COBL: variants seen among roughly 807,000 people sequenced by gnomAD.
COBL encodes the protein cordon-bleu WH2 repeat protein.
Under a neutral mutation model 98.8 loss-of-function variants are expected in COBL, and 51 were observed. That is an observed-to-expected ratio of 0.52 (90% confidence interval 0.41 to 0.65). The LOEUF (loss-of-function observed/expected upper bound fraction) is 0.65. COBL is among the 30% of genes least tolerant of loss of function. The pLI, the probability that COBL is intolerant of heterozygous loss-of-function variation, is 0.00. For missense variants in COBL, 1,617 were observed against 1,617.5 expected, an observed-to-expected ratio of 1.00 and a Z score of 0.01; for synonymous variants, 634 against 651.7, an observed-to-expected ratio of 0.97 and a Z score of 0.41.
chr7:51,075,584 TG>T (rs1403434520), intron 7 of COBL, among the ~76,000 whole-genome samples: 3 of 152,240 alleles, frequency 2.0e-5, no homozygotes, highest in Non-Finnish European at 4.4e-5. Flanking sequence ...TTTTTAATAG[TG>T]GATCTGTTCA....
At position 51,177,543 on chromosome 7, in the gene COBL, G is replaced by C. The variant is rs186422296; in HGVS notation, c.783+6559C>G. Reference sequence around the variant, plus strand: ...AATCCCAGCACTCTGGGGGGCTGAGGCGGGCAGATCACCTGAGGTCAGGAG... The same window carrying C: ...AATCCCAGCACTCTGGGGGGCTGAGCCGGGCAGATCACCTGAGGTCAGGAG... On this transcript the variant is annotated intron_variant, in intron 5 of 12. Transcript: ENST00000265136. Among the ~76,000 whole-genome samples, 470 of 152,260 alleles carry C rather than the reference G, an allele frequency of 3.1e-3. 2 individuals are homozygous for C. Among genetic ancestry groups the C allele is most frequent in the African/African-American group, 0.011 (439 of 41,548 alleles).
intron 5 of COBL, among the ~76,000 whole-genome samples, chr7:51,143,161 G>A (rs928104476): frequency 6.6e-6 from 1 of 152,168 alleles, no homozygotes; most frequent in African/African-American, 2.4e-5. Context: ...CAGCAGAGAA[G>A]AGCATCAGGG....
chr7:51,193,641 T>G, intron 2 of COBL, 52 bp from the exon 3 acceptor site: 1 of 1,522,942 alleles, frequency 6.6e-7, no homozygotes, highest in Non-Finnish European at 9.1e-7. Flanking sequence ...CACTCTCTCT[T>G]TTGCCTGGCT....
chr7:51,082,560 C>T (rs1042735412), intron 7 of COBL, among the ~76,000 whole-genome samples: 4 of 152,214 alleles, frequency 2.6e-5, no homozygotes, highest in Non-Finnish European at 5.9e-5. Context: ...TTCCCCTTCT[C>T]GTACACCTCA....
rs1788512851 is a variant in COBL at position 51,035,150 on chromosome 7, C to T, written c.1407-4241G>A. ...GGTGTGTGCAGGGCTTGCTGAGCCT[C>T]TGCATTCATACCCCAGCCTCCAGCA... On this transcript the variant is annotated intron_variant, in intron 8 of 12. Transcript: ENST00000265136. 2.0e-5 allele frequency: 3 copies of T among 152,290 alleles called. No individual in the cohort carries two copies. The South Asian group carries it at 6.2e-4, about 32-fold the overall frequency. The allele number at this position is 152,290 out of a possible 1,614,324, so 9.4% of individuals were successfully genotyped here.
intron 6 of COBL, among the ~76,000 whole-genome samples, chr7:51,130,268 T>C (rs1270358055): frequency 6.6e-6 from 1 of 152,098 alleles, no homozygotes. Flanking sequence ...AACAAAGCAC[T>C]CCAGGAGGCC....
chr7:51,263,128 C>T (rs1266643049), intron 1 of COBL, among the ~76,000 whole-genome samples: 1 of 152,140 alleles, frequency 6.6e-6, no homozygotes, highest in Non-Finnish European at 1.5e-5. Flanking sequence ...GGGGAGTTCC[C>T]CCCAGCTCAC....
intron 7 of COBL, among the ~76,000 whole-genome samples, chr7:51,044,872 GTATA>G (rs1313876676): frequency 6.6e-6 from 1 of 152,174 alleles, no homozygotes; most frequent in Non-Finnish European, 1.5e-5. Context: ...TCAGGTGATG[GTATA>G]TTTGAGATTC....
intron 2 of COBL, among the ~76,000 whole-genome samples, chr7:51,205,054 G>T (rs1791541108): frequency 6.6e-6 from 1 of 152,184 alleles, no homozygotes; most frequent in Non-Finnish European, 1.5e-5. Flanking sequence ...TCATGGATTA[G>T]AAGAATTAAT....
chr7:51,071,350 G>A (rs1167561149), intron 7 of COBL: 2 of 152,168 alleles, frequency 1.3e-5, no homozygotes, highest in Admixed American at 1.3e-4. Context: ...ACAGTGCCAA[G>A]TCACATGTAA....
intron 1 of COBL, chr7:51,259,980 T>C (rs751404407): frequency 4.8e-5 from 36 of 753,418 alleles, no homozygotes; most frequent in Non-Finnish European, 7.9e-5. Flanking sequence ...TCTTGTCACG[T>C]TTCTGCCACC....
intron 1 of COBL, chr7:51,259,939 T>A (rs1269769473): frequency 5.3e-6 from 4 of 758,176 alleles, no homozygotes; most frequent in Non-Finnish European, 9.6e-6. Context: ...TTCCAAGGCA[T>A]GAGGTTTCAC....
At chr7:51,075,630 A>G (rs958412656) in intron 7 of COBL, among the ~76,000 whole-genome samples, 1 of 152,208 alleles carries the variant, frequency 6.6e-6, no homozygotes, top group African/African-American at 2.4e-5. Flanking sequence ...AATTTTAACG[A>G]TCTGCTTTTA....
rs151084709 is a variant in COBL at position 51,080,441 on chromosome 7, G to A, written c.1096+4725C>T. Among the ~76,000 whole-genome samples, 11 of 152,344 alleles carry A rather than the reference G, an allele frequency of 7.2e-5. No homozygotes were observed. The East Asian group carries it at 2.1e-3, about 29-fold the overall frequency. ...GAGTTCCTGCAGTGGCAGAAGAGAA[G>A]TGCAGGGTGATGGATGAAGCAAAGA... On this transcript the variant is annotated intron_variant, in intron 7 of 12. Transcript: ENST00000265136.
At chr7:51,312,614 G>A (rs780818627) in intron 1 of COBL, among the ~76,000 whole-genome samples, 1 of 152,112 alleles carries the variant, frequency 6.6e-6, no homozygotes, top group Non-Finnish European at 1.5e-5. Flanking sequence ...AATAATTACA[G>A]GAGCACTTGC....
intron 8 of COBL, chr7:51,033,369 C>A (rs1369107561): frequency 6.6e-6 from 1 of 152,168 alleles, no homozygotes; most frequent in Non-Finnish European, 1.5e-5. Flanking sequence ...TGTAAGAATT[C>A]TAGAAATGTC....
At chr7:51,072,465 T>A (rs1330482771) in intron 7 of COBL, 1 of 152,240 alleles carries the variant, frequency 6.6e-6, no homozygotes, top group African/African-American at 2.4e-5. Context: ...GGCATCTTTA[T>A]CACATGTACA....
intron 8 of COBL, 38 bp downstream of exon 8, chr7:51,043,345 T>A (rs756129209): frequency 1.3e-6 from 2 of 1,587,206 alleles, no homozygotes; most frequent in Non-Finnish European, 1.7e-6. Context: ...CAGATGTGGC[T>A]GTGACTTCCG....
chr7:51,314,112 CAG>C (rs1803312374), intron 1 of COBL, among the ~76,000 whole-genome samples: 2 of 152,352 alleles, frequency 1.3e-5, no homozygotes, highest in Admixed American at 6.5e-5. Flanking sequence ...TAGCCAGACA[CAG>C]AGTCAGTGAG....
Sources: gnomAD v4.1 joint callset for allele counts (sites outside exome capture counted in the v4.1 genomes callset) on GRCh38, gnomAD v4.1.1 for gene constraint, MANE v1.5 for transcripts, NCBI Gene and HGNC (gene_info 2026-07-23, HGNC 2026-07-21) for gene names.